Variants in IQCM observed in about 807,000 individuals in gnomAD.
The protein encoded by IQCM is IQ motif containing M.
IQCM carries 45 observed loss-of-function variants against 57.6 expected under a neutral mutation model. That is an observed-to-expected ratio of 0.78 (90% CI 0.62 to 1.00). The LOEUF (loss-of-function observed/expected upper bound fraction) is 1.00. IQCM is among the 50% of genes least tolerant of loss of function. The probability of loss-of-function intolerance (pLI) is 0.00; values close to 1 mark genes in which losing one functional copy is unlikely to be tolerated. For synonymous variants in IQCM, 148 were observed against 158.9 expected (o/e 0.93, Z 0.51); for missense variants, 468 against 511.6 (o/e 0.91, Z 0.82).
chr4:149,754,269 C>G (rs1768746327), intron 2 of IQCM, among the ~76,000 whole-genome samples: 1 of 152,118 alleles, frequency 6.6e-6, no homozygotes, highest in Admixed American at 6.5e-5. Context: ...ATAACTTGTC[C>G]CAACTCAGGA....
intron 7 of IQCM, among the ~76,000 whole-genome samples, chr4:149,645,416 T>C (rs1008807502): frequency 6.6e-6 from 1 of 152,220 alleles, no homozygotes; most frequent in African/African-American, 2.4e-5. Context: ...AACTTTTTAA[T>C]TGAAATTTCA....
At chr4:149,472,829 T>C (rs1367042129) in intron 12 of IQCM, among the ~76,000 whole-genome samples, 1 of 151,882 alleles carries the variant, frequency 6.6e-6, no homozygotes, top group Non-Finnish European at 1.5e-5. Flanking sequence ...ACATCTACAA[T>C]GATCTGATCT....
chr4:149,790,041 C>G (rs549291878), intron 2 of IQCM: 1 of 447,094 alleles, frequency 2.2e-6, no homozygotes, highest in Admixed American at 3.3e-5. Context: ...GATGCACATG[C>G]ATTTCTCCTC....
intron 13 of IQCM, among the ~76,000 whole-genome samples, chr4:149,369,321 GGCATGAGCCACCACACC>G (rs935134080): frequency 6.6e-6 from 1 of 151,794 alleles, no homozygotes; most frequent in African/African-American, 2.4e-5. Context: ...TGGGATTATA[GGCATGAGCCACCACACC>G]TGGCTGACAC....
At chr4:149,484,235 G>A (rs1741222777) in intron 12 of IQCM, among the ~76,000 whole-genome samples, 1 of 151,854 alleles carries the variant, frequency 6.6e-6, no homozygotes, top group East Asian at 1.9e-4. Context: ...GGATCATTGA[G>A]TCTTGTTTTT....
intron 7 of IQCM, among the ~76,000 whole-genome samples, chr4:149,668,077 C>T (rs1447023549): frequency 6.6e-6 from 1 of 152,060 alleles, no homozygotes; most frequent in African/African-American, 2.4e-5. Context: ...ATACAGAGAA[C>T]ACCACAAAGA....
chr4:149,415,724 A>T (rs2111193800), intron 13 of IQCM, among the ~76,000 whole-genome samples: 1 of 152,268 alleles, frequency 6.6e-6, no homozygotes, highest in South Asian at 2.1e-4. Flanking sequence ...TTATAGGTAA[A>T]GTAGTAATAA....
At chr4:149,714,305 C>A (rs1057493047) in intron 5 of IQCM, among the ~76,000 whole-genome samples, 1 of 152,088 alleles carries the variant, frequency 6.6e-6, no homozygotes, top group African/African-American at 2.4e-5. Context: ...CCTTATTTCC[C>A]TAAAATCTAA....
chr4:149,654,082 C>T (rs576254173), intron 7 of IQCM, among the ~76,000 whole-genome samples: 32 of 152,202 alleles, frequency 2.1e-4, no homozygotes, highest in Middle Eastern at 3.4e-3. Context: ...AAAGCGGATA[C>T]GAATATCCTC....
intron 7 of IQCM, among the ~76,000 whole-genome samples, chr4:149,675,541 A>C (rs1003238464): frequency 9.2e-5 from 14 of 152,052 alleles, no homozygotes; most frequent in African/African-American, 2.7e-4. Context: ...CTATGAATTC[A>C]GGGAGCATAA....
At chr4:149,447,528 G>A (rs1302550183) in intron 12 of IQCM, among the ~76,000 whole-genome samples, 2 of 151,430 alleles carry the variant, frequency 1.3e-5, no homozygotes, top group African/African-American at 4.8e-5. Context: ...TGGGATTAAT[G>A]GCAGATTATA....
intron 12 of IQCM, among the ~76,000 whole-genome samples, chr4:149,476,998 G>A (rs1740274055): frequency 6.6e-6 from 1 of 152,128 alleles, no homozygotes; most frequent in Non-Finnish European, 1.5e-5. Flanking sequence ...TGGCCCCTGG[G>A]AAGGCATCTG....
intron 3 of IQCM, among the ~76,000 whole-genome samples, chr4:149,738,866 C>T (rs927424560): frequency 3.3e-5 from 5 of 152,178 alleles, no homozygotes; most frequent in African/African-American, 1.2e-4. Flanking sequence ...CACAAGATAA[C>T]TCATACCTCA....
At chr4:149,679,627 A>G (rs967188139) in intron 7 of IQCM, among the ~76,000 whole-genome samples, 1 of 151,454 alleles carries the variant, frequency 6.6e-6, no homozygotes, top group Non-Finnish European at 1.5e-5. Flanking sequence ...CATGTGTATC[A>G]CCAAACTATG....
intron 8 of IQCM, among the ~76,000 whole-genome samples, chr4:149,618,335 A>G (rs1348896783): frequency 6.6e-6 from 1 of 152,140 alleles, no homozygotes; most frequent in East Asian, 1.9e-4. Context: ...ATCTCTCACT[A>G]TGCACAAAAG....
chr4:149,771,844 A>G (rs116296645), intron 2 of IQCM, among the ~76,000 whole-genome samples: 3,395 of 152,260 alleles, frequency 0.022, 63 homozygotes, highest in South Asian at 0.035. Flanking sequence ...TCATACTAAC[A>G]GATGTATTTT....
intron 7 of IQCM, among the ~76,000 whole-genome samples, chr4:149,663,401 A>C (rs903161838): frequency 6.6e-6 from 1 of 151,924 alleles, no homozygotes; most frequent in African/African-American, 2.4e-5. Flanking sequence ...TTATGCTTTC[A>C]TGTGTATTCA....
intron 13 of IQCM, among the ~76,000 whole-genome samples, chr4:149,388,075 T>C (rs140277050): frequency 0.011 from 1,633 of 152,204 alleles, 12 homozygotes; most frequent in South Asian, 0.053. Context: ...ATTGTGTTTA[T>C]CCATTCTTCA....
chr4:149,402,009 T>C (rs1173864111), intron 13 of IQCM, among the ~76,000 whole-genome samples: 2 of 151,820 alleles, frequency 1.3e-5, no homozygotes, highest in Non-Finnish European at 2.9e-5. Context: ...CGGATATAAG[T>C]TGTAATTTTT....
Sources: gnomAD v4.1 joint callset for allele counts (sites outside exome capture counted in the v4.1 genomes callset) on GRCh38, gnomAD v4.1.1 for gene constraint, MANE v1.5 for transcripts, NCBI Gene and HGNC (gene_info 2026-07-23, HGNC 2026-07-21) for gene names.